Variants in SPHKAP observed in about 807,000 individuals in gnomAD.
The protein encoded by SPHKAP is SPHK1 interactor, AKAP domain containing, also known as A-kinase anchor protein SPHKAP.
SPHKAP carries 67 observed loss-of-function variants against 137.5 expected under a neutral mutation model. That is an observed-to-expected ratio of 0.49 (90% CI 0.40 to 0.60). The LOEUF (loss-of-function observed/expected upper bound fraction) is 0.60, where lower values mean the gene tolerates loss of function less well. Among genes scored for constraint, SPHKAP ranks in the 20% least tolerant of loss-of-function variants. SPHKAP has a pLI of 0.00. For synonymous variants in SPHKAP, 813 were observed against 785.3 expected (o/e 1.04, Z -0.59); for missense variants, 2,097 against 2,069.3 (o/e 1.01, Z -0.26).
chr2:228,107,954 T>A (rs1698395339), intron 3 of SPHKAP, among the ~76,000 whole-genome samples: 1 of 152,156 alleles, frequency 6.6e-6, no homozygotes, highest in Non-Finnish European at 1.5e-5. Flanking sequence ...ATGTTTAACA[T>A]CCTCTGTCTG....
intron 11 of SPHKAP, chr2:227,982,118 CT>C: frequency 1.0e-6 from 1 of 980,918 alleles, no homozygotes; most frequent in Non-Finnish European, 1.2e-6. Flanking sequence ...TGGAATGAGA[CT>C]AATTCTTTTT....
At chr2:228,034,410 T>C (rs991494082) in intron 3 of SPHKAP, among the ~76,000 whole-genome samples, 5 of 151,962 alleles carry the variant, frequency 3.3e-5, no homozygotes, top group Non-Finnish European at 7.4e-5. Context: ...CCAAAAGAAG[T>C]CCAGGACCAG....
intron 3 of SPHKAP, among the ~76,000 whole-genome samples, chr2:228,056,005 C>G (rs1696427408): frequency 6.6e-6 from 1 of 152,172 alleles, no homozygotes; most frequent in Non-Finnish European, 1.5e-5. Context: ...GATCCTTGCT[C>G]CATCTTCAAT....
At chr2:228,115,324 G>A (rs984757420) in intron 2 of SPHKAP, among the ~76,000 whole-genome samples, 2 of 151,876 alleles carry the variant, frequency 1.3e-5, no homozygotes, top group Non-Finnish European at 1.5e-5. Flanking sequence ...TGTCACCTTG[G>A]ACTATTCATG....
At chr2:228,149,418 A>G (rs943523197) in intron 1 of SPHKAP, among the ~76,000 whole-genome samples, 1 of 152,228 alleles carries the variant, frequency 6.6e-6, no homozygotes, top group Non-Finnish European at 1.5e-5. Context: ...TTTACATCTC[A>G]TTGCCTGATA....
intron 1 of SPHKAP, among the ~76,000 whole-genome samples, chr2:228,151,720 G>C (rs1699939213): frequency 6.6e-6 from 1 of 151,950 alleles, no homozygotes; most frequent in African/African-American, 2.4e-5. Flanking sequence ...TGCAAGGCTG[G>C]TTATTTTTTC....
chr2:228,116,006 C>A (rs1382029373), intron 2 of SPHKAP, among the ~76,000 whole-genome samples: 1 of 152,126 alleles, frequency 6.6e-6, no homozygotes, highest in East Asian at 1.9e-4. Flanking sequence ...CAAAAAGGCA[C>A]CATCTATGGA....
chr2:228,022,122 GA>G, intron 5 of SPHKAP, 156 bp from the exon 6 acceptor site: 1 of 982,602 alleles, frequency 1.0e-6, no homozygotes, highest in South Asian at 4.7e-5. Flanking sequence ...TAAACTGCTT[GA>G]AAAAAATTCA....
At chr2:228,174,802 T>C (rs1574920626) in intron 1 of SPHKAP, among the ~76,000 whole-genome samples, 1 of 152,074 alleles carries the variant, frequency 6.6e-6, no homozygotes, top group East Asian at 1.9e-4. Flanking sequence ...ATGGTTCTGA[T>C]GGAAAAGGCA....
rs1692995063 is a variant in SPHKAP at position 227,981,582 on chromosome 2, C to T, written c.*135G>A. ...CTGACTTATTCTGTATGCAGTGGAT[C>T]TGAGTAGCAGATTTTTTTTTATAGT... On this transcript the variant is annotated 3_prime_UTR_variant, in exon 12 of 12. Transcript: ENST00000392056. 3 of 1,178,236 alleles carry T rather than the reference C, an allele frequency of 2.5e-6. No individual in the cohort carries two copies. Among genetic ancestry groups the T allele is most frequent in the Admixed American group, 3.0e-5 (1 of 33,044 alleles). 73.0% of individuals were successfully genotyped at this position (1,178,236 alleles called of 1,614,324 possible).
chr2:228,034,154 G>T (rs1311647633), intron 3 of SPHKAP, among the ~76,000 whole-genome samples: 1 of 151,814 alleles, frequency 6.6e-6, no homozygotes, highest in Middle Eastern at 3.4e-3. Flanking sequence ...AAGAAGAAAA[G>T]AGAGAAGAAT....
chr2:228,122,253 C>G (rs1472010979), intron 2 of SPHKAP, among the ~76,000 whole-genome samples: 1 of 152,078 alleles, frequency 6.6e-6, no homozygotes, highest in Non-Finnish European at 1.5e-5. Context: ...ACAAAATGTT[C>G]TAAGCTATTT....
chr2:228,058,778 A>G (rs1176871142), intron 3 of SPHKAP, among the ~76,000 whole-genome samples: 1 of 152,206 alleles, frequency 6.6e-6, no homozygotes, highest in Non-Finnish European at 1.5e-5. Flanking sequence ...GAATCTGCTT[A>G]TTCACTTTCA....
At chr2:228,080,060 G>A (rs117110616) in intron 3 of SPHKAP, among the ~76,000 whole-genome samples, 1 of 148,856 alleles carries the variant, frequency 6.7e-6, no homozygotes, top group East Asian at 2.1e-4. Context: ...GTTACTTGAA[G>A]TAACAATGTT....
In SPHKAP at chr2:228,092,156, CAT is replaced by C. The variant is rs200645334; in HGVS notation, c.246+16674_246+16675del. 1.1e-3 allele frequency among the ~76,000 whole-genome samples: 124 copies of C among 114,028 alleles called. 3 individuals carry two copies. The East Asian group carries it at 0.024, about 22-fold the overall frequency. The allele number at this position is 114,028 out of a possible 152,430, so 74.8% of individuals were successfully genotyped here. Reference sequence around the variant, plus strand: ...ATGTGTGTACACATATATACATATACATATATGTGTGTACACACACATGTGTG... The same window carrying C: ...ATGTGTGTACACATATATACATATACATATGTGTGTACACACACATGTGTG... On this transcript the variant is annotated intron_variant, in intron 3 of 11. Coordinates refer to ENST00000392056, the MANE Select transcript of SPHKAP (RefSeq NM_001142644.2).
rs576007708 is a variant in SPHKAP at position 228,089,810 on chromosome 2, C to T, written c.246+19022G>A. Among the ~76,000 whole-genome samples, 20 of 152,284 alleles carry T rather than the reference C, an allele frequency of 1.3e-4. No individual in the cohort carries two copies. The South Asian group carries it at 4.1e-3, about 32-fold the overall frequency. On this transcript the variant is annotated intron_variant, in intron 3 of 11. Coordinates refer to ENST00000392056, the MANE Select transcript of SPHKAP (RefSeq NM_001142644.2). The stretch of plus-strand genomic sequence containing the variant: ...AAGCTGCTGTAAGCCTTGGCAGCTT[C>T]CATGTTGTGTTAAGTCTGCAGGTGC...
At position 228,018,575 on chromosome 2, in the gene SPHKAP, T is replaced by C. The variant is rs771873555; in HGVS notation, c.2279A>G (p.Gln760Arg). 1 of 1,613,944 alleles carries C rather than the reference T, an allele frequency of 6.2e-7. No individual in the cohort carries two copies. Among genetic ancestry groups the C allele is most frequent in the Non-Finnish European group, 8.5e-7 (1 of 1,179,878 alleles). The change falls in exon 7 of 12, where the codon CAA becomes CGA. Residue 760 changes from glutamine to arginine, a missense_variant. Physicochemically the swap from Gln to Arg is conservative, Grantham distance 43. Transcript: ENST00000392056. ...SCQPSDPGAS[Q>R]AWTKATESSS... ...GGATTCAGTGGCTTTTGTCCAAGCTTGACTAGCACCCGGATCAGATGGCTG... is the reference window on the plus strand; with the variant it reads ...GGATTCAGTGGCTTTTGTCCAAGCTCGACTAGCACCCGGATCAGATGGCTG...
intron 2 of SPHKAP, among the ~76,000 whole-genome samples, chr2:228,118,252 T>TTG (rs1394219371): frequency 6.6e-6 from 1 of 151,108 alleles, no homozygotes; most frequent in Non-Finnish European, 1.5e-5. Context: ...TTTTTTTTTT[T>TTG]TTTTTTTTTT....
chr2:228,030,964 G>C (rs982535345), intron 3 of SPHKAP, among the ~76,000 whole-genome samples: 1 of 152,232 alleles, frequency 6.6e-6, no homozygotes, highest in Non-Finnish European at 1.5e-5. Flanking sequence ...CGATGCAGAA[G>C]ATGGGTGATT....
Sources: allele counts gnomAD v4.1 joint callset (sites outside exome capture counted in the v4.1 genomes callset), GRCh38; gene constraint gnomAD v4.1.1; transcripts MANE v1.5; gene names NCBI Gene and HGNC (gene_info 2026-07-23, HGNC 2026-07-21).